CCDC38: variants seen among roughly 807,000 people sequenced by gnomAD.
The protein encoded by CCDC38 is coiled-coil domain containing 38.
A neutral mutation model predicts 72.8 loss-of-function variants in CCDC38; 69 were observed. That is an observed-to-expected ratio of 0.95 (90% CI 0.78 to 1.16). The LOEUF (loss-of-function observed/expected upper bound fraction) is 1.16, where lower values mean the gene tolerates loss of function less well. CCDC38 is among the 50% of genes most tolerant of loss of function. The probability of loss-of-function intolerance (pLI) is 0.00; values close to 1 mark genes in which losing one functional copy is unlikely to be tolerated. For synonymous variants in CCDC38, 201 were observed against 213.2 expected (o/e 0.94, Z 0.50); for missense variants, 626 against 638.9 (o/e 0.98, Z 0.22).
At chr12:95,900,996 G>A (rs952466107) in intron 5 of CCDC38, among the ~76,000 whole-genome samples, 1 of 152,150 alleles carries the variant, frequency 6.6e-6, no homozygotes, top group African/African-American at 2.4e-5. Flanking sequence ...CTTTGGCAGA[G>A]GAAGGGCATG....
chr12:95,870,118 G>A (rs2079565357), intron 14 of CCDC38, among the ~76,000 whole-genome samples: 1 of 152,034 alleles, frequency 6.6e-6, no homozygotes, highest in African/African-American at 2.4e-5. Flanking sequence ...TTGTATAATA[G>A]CTACTTGAAT....
chr12:95,882,519 G>A (rs2079712321), intron 10 of CCDC38, among the ~76,000 whole-genome samples: 1 of 152,144 alleles, frequency 6.6e-6, no homozygotes, highest in Non-Finnish European at 1.5e-5. Context: ...GCTGCCTATT[G>A]AGCAGCTGGA....
chr12:95,903,533 G>C, intron 5 of CCDC38: 1 of 689,712 alleles, frequency 1.4e-6, no homozygotes, highest in Admixed American at 2.1e-5. Flanking sequence ...GTTTCTAGTA[G>C]ATGTCCTTTT....
chr12:95,917,831 A>G (rs1457916236), intron 3 of CCDC38, among the ~76,000 whole-genome samples: 1 of 146,250 alleles, frequency 6.8e-6, no homozygotes, highest in African/African-American at 2.6e-5. Context: ...AGATCACACC[A>G]CCGCACTCCA....
At chr12:95,929,716 C>T (rs1486211756) in intron 2 of CCDC38, among the ~76,000 whole-genome samples, 1 of 152,194 alleles carries the variant, frequency 6.6e-6, no homozygotes, top group Non-Finnish European at 1.5e-5. Flanking sequence ...AACTAAATTT[C>T]TGAACACCAA....
In CCDC38 at chr12:95,898,324, C is replaced by T. The variant is rs535538404; in HGVS notation, c.614+61G>A. ...ATCAGGATTATTAGGTCTTACCTGG[C>T]ATGAATAGGTTTTAATGGGTCGTGG... On this transcript the variant is annotated intron_variant, in intron 7 of 15. Transcript: ENST00000344280. The T allele has an allele frequency of 4.1e-6, 6 of 1,476,566 alleles. No individual in the cohort carries two copies. The Admixed American group carries it at 8.4e-5, about 21-fold the overall frequency. The allele number at this position is 1,476,566 out of a possible 1,614,324, so 91.5% of individuals were successfully genotyped here.
chr12:95,912,340 C>T (rs2080102958), intron 4 of CCDC38, among the ~76,000 whole-genome samples: 1 of 152,088 alleles, frequency 6.6e-6, no homozygotes, highest in Non-Finnish European at 1.5e-5. Flanking sequence ...TCATAACAAA[C>T]CTGCACATGT....
chr12:95,906,830 TTGTTTG>T lies in CCDC38; in HGVS notation c.305-385_305-380del, dbSNP rs1260329972. Among the ~76,000 whole-genome samples the T allele has an allele frequency of 4.5e-3, 677 of 150,224 alleles. 5 individuals carry two copies. Among genetic ancestry groups the T allele is most frequent in the African/African-American group, 0.016 (642 of 40,698 alleles). ...TTTATTTATTTATTTATTTATTTAT[TTGTTTG>T]TTTTTTATTGATCATTCTTGGGTGT... On this transcript the variant is annotated intron_variant, in intron 4 of 15. Coordinates refer to ENST00000344280, the MANE Select transcript of CCDC38 (RefSeq NM_182496.3).
rs992664847 is a variant in CCDC38, at chr12:95,877,924, G to A, written c.1278+287C>T. 3.3e-5 allele frequency among the ~76,000 whole-genome samples: 5 copies of A among 152,296 alleles called. No homozygotes were observed. The East Asian group carries it at 9.7e-4, about 29-fold the overall frequency. ...TAACACACAGTGAACTACTACATAT[G>A]TCTAGGCTCTGAAGAAATGTATTTC... On this transcript the variant is annotated intron_variant, in intron 13 of 15. Coordinates refer to ENST00000344280, the MANE Select transcript of CCDC38 (RefSeq NM_182496.3).
rs746109926 is a variant in CCDC38 at position 95,878,300 on chromosome 12, C to T, written c.1189G>A (p.Ala397Thr). Residue 397 changes from alanine (A) to threonine (T), a missense_variant, in exon 13 of 16, where the codon GCT becomes ACT. Ala to Thr is a moderately conservative substitution (Grantham distance 58). Transcript: ENST00000344280. ...TTCTCTTCTTCTCTCACACAGTTAG[C>T]TTTAAGCATTTTTTCTTGCTCCAAA... ...FLLEQEKMLK[A>T]NCVREEEKAA... The T allele has an allele frequency of 6.2e-6, 10 of 1,613,504 alleles. No homozygotes were observed. The highest frequency in any genetic ancestry group is 8.5e-6 in the Non-Finnish European group (10 of 1,179,742).
chr12:95,907,679 T>C (rs1239346409), intron 4 of CCDC38, among the ~76,000 whole-genome samples: 17 of 124,930 alleles, frequency 1.4e-4, no homozygotes, highest in Non-Finnish European at 1.7e-4. Context: ...TCCTCACTTC[T>C]CAGACGGGGC....
rs2079871699 is a variant in CCDC38, at chr12:95,895,097, A to C, written c.664T>G (p.Phe222Val). The change falls in exon 8 of 16, where the codon TTT becomes GTT. Residue 222 changes from phenylalanine to valine, a missense_variant. Physicochemically the swap from Phe to Val is conservative, Grantham distance 50. Transcript: ENST00000344280. The part of the protein sequence containing the change: ...FLLREYMKYG[F>V]FLLQMSPKHW... ...TTTGGAGACATTTGCAGCAGAAAAA[A>C]ACCATATTTCATATACTCCCTGAGG... The C allele has an allele frequency of 6.2e-7, 1 of 1,612,764 alleles. No individual in the cohort carries two copies. Among genetic ancestry groups the C allele is most frequent in the African/African-American group, 1.3e-5 (1 of 74,868 alleles).
chr12:95,913,056 C>A (rs888027835), intron 4 of CCDC38, among the ~76,000 whole-genome samples: 10 of 151,996 alleles, frequency 6.6e-5, no homozygotes, highest in Admixed American at 3.3e-4. Context: ...CAAAGTGAGA[C>A]CCTGTCTCAA....
intron 15 of CCDC38, among the ~76,000 whole-genome samples, chr12:95,868,067 C>T (rs187356906): frequency 6.6e-6 from 1 of 152,300 alleles, no homozygotes; most frequent in East Asian, 1.9e-4. Flanking sequence ...GAATTTTTAA[C>T]TGTCAAAGAT....
Position 95,932,141 on chromosome 12 carries a change from T to G in CCDC38, c.37+4332A>C, listed in dbSNP as rs969252459. On this transcript the variant is annotated intron_variant, in intron 2 of 15. Coordinates refer to ENST00000344280, the MANE Select transcript of CCDC38 (RefSeq NM_182496.3). The stretch of plus-strand genomic sequence containing the variant: ...CTTTGAACAGAGAAGGAATGTGGTC[T>G]GACCTACTTAATACTTTGTAGTTGG... 1.9e-4 allele frequency among the ~76,000 whole-genome samples: 29 copies of G among 152,166 alleles called. 1 individual carries two copies. The highest frequency in any genetic ancestry group is 7.0e-4 in the African/African-American group (29 of 41,436).
chr12:95,874,132 T>C (rs1388219380), intron 13 of CCDC38, among the ~76,000 whole-genome samples: 4 of 151,612 alleles, frequency 2.6e-5, no homozygotes, highest in African/African-American at 7.3e-5. Context: ...CAGAAAAATA[T>C]AAAAGAAAAT....
At chr12:95,923,429 C>T in intron 2 of CCDC38, among the ~76,000 whole-genome samples, 1 of 152,142 alleles carries the variant, frequency 6.6e-6, no homozygotes, top group South Asian at 2.1e-4. Context: ...CTGTTGTCCT[C>T]CAGGGGATGA....
At chr12:95,882,175 A>G (rs946381860) in intron 10 of CCDC38, among the ~76,000 whole-genome samples, 7 of 152,212 alleles carry the variant, frequency 4.6e-5, no homozygotes, top group Non-Finnish European at 8.8e-5. Context: ...TTAAAGAAGC[A>G]GGGATAGGGA....
At chr12:95,922,306 A>G (rs893891513) in intron 2 of CCDC38, among the ~76,000 whole-genome samples, 1 of 152,226 alleles carries the variant, frequency 6.6e-6, no homozygotes, top group Non-Finnish European at 1.5e-5. Context: ...CCAACACTGG[A>G]CATATGAGAC....
Sources: allele counts gnomAD v4.1 joint callset (sites outside exome capture counted in the v4.1 genomes callset), GRCh38; gene constraint gnomAD v4.1.1; transcripts MANE v1.5; gene names NCBI Gene and HGNC (gene_info 2026-07-23, HGNC 2026-07-21).